The following CACNB2 variants were observed in gnomAD, a reference collection of about 807,000 sequenced individuals.
CACNB2 encodes the protein calcium voltage-gated channel auxiliary subunit beta 2.
In CACNB2, 42 loss-of-function variants were observed where a neutral mutation model predicts 73.3. The observed-to-expected ratio is 0.57, with a 90% confidence interval of 0.45 to 0.74. CACNB2 has a LOEUF of 0.74. Among genes scored for constraint, CACNB2 ranks in the 30% least tolerant of loss-of-function variants. The probability of loss-of-function intolerance (pLI) is 0.00; values close to 1 mark genes in which losing one functional copy is unlikely to be tolerated. For missense variants in CACNB2, 940 were observed against 853.0 expected (o/e 1.10, Z -1.27); for synonymous variants, 348 against 310.3 (o/e 1.12, Z -1.28).
At chr10:18,308,862 A>G (rs2039849464) in intron 2 of CACNB2, among the ~76,000 whole-genome samples, 1 of 152,224 alleles carries the variant, frequency 6.6e-6, no homozygotes, top group Non-Finnish European at 1.5e-5. Flanking sequence ...ATCAAATGTC[A>G]TCAGCTCACT....
rs139184772 is a variant in CACNB2 at position 18,318,352 on chromosome 10, G to A, written c.214-83572G>A. 2.6e-3 allele frequency among the ~76,000 whole-genome samples: 403 copies of A among 152,176 alleles called. 4 individuals are homozygous for A. The highest frequency in any genetic ancestry group is 9.4e-3 in the African/African-American group (389 of 41,524). On this transcript the variant is annotated intron_variant, in intron 2 of 13. Transcript: ENST00000324631. ...TACAACCATCTGATCTTCAACAAAC[G>A]TGACAAAAACAAGCAATGGGGAAAG...
intron 13 of CACNB2, among the ~76,000 whole-genome samples, chr10:18,538,799 C>T (rs1213662709): frequency 6.6e-6 from 1 of 152,136 alleles, no homozygotes; most frequent in East Asian, 1.9e-4. Flanking sequence ...AAAGGGTCTA[C>T]AGAACAGTGC....
chr10:18,299,240 C>G (rs2039409429), intron 2 of CACNB2, among the ~76,000 whole-genome samples: 1 of 152,164 alleles, frequency 6.6e-6, no homozygotes, highest in Non-Finnish European at 1.5e-5. Flanking sequence ...AGTTCTCTTT[C>G]TTTCTCAGAA....
chr10:18,291,912 TGTAA>T (rs1478020515), intron 2 of CACNB2, among the ~76,000 whole-genome samples: 1 of 152,230 alleles, frequency 6.6e-6, no homozygotes, highest in Non-Finnish European at 1.5e-5. Flanking sequence ...TAAATATCTT[TGTAA>T]GTGTTAGAAA....
intron 2 of CACNB2, among the ~76,000 whole-genome samples, chr10:18,331,145 C>G (rs554501189): frequency 6.6e-6 from 1 of 152,158 alleles, no homozygotes; most frequent in Admixed American, 6.5e-5. Context: ...GCCACCATGC[C>G]CAGCTAATTT....
At chr10:18,509,260 C>T (rs1047934182) in intron 6 of CACNB2, among the ~76,000 whole-genome samples, 2 of 152,206 alleles carry the variant, frequency 1.3e-5, no homozygotes, top group Non-Finnish European at 2.9e-5. Flanking sequence ...TCATTTTCAT[C>T]GTTTCCAAAG....
chr10:18,152,936 A>G (rs978596053), intron 2 of CACNB2, among the ~76,000 whole-genome samples: 1 of 152,064 alleles, frequency 6.6e-6, no homozygotes, highest in African/African-American at 2.4e-5. Flanking sequence ...CAGTCACTGG[A>G]CTCCATTTTC....
chr10:18,200,125 C>G (rs1374178734), intron 2 of CACNB2, among the ~76,000 whole-genome samples: 2 of 151,766 alleles, frequency 1.3e-5, no homozygotes, highest in Non-Finnish European at 2.9e-5. Context: ...AACATTGTTC[C>G]TAAAAATTAC....
At position 18,256,181 on chromosome 10, in the gene CACNB2, G is replaced by A. The variant is rs186909892; in HGVS notation, c.213+105206G>A. Among the ~76,000 whole-genome samples, 7 of 152,028 alleles carry A rather than the reference G, an allele frequency of 4.6e-5. No individual in the cohort carries two copies. In the East Asian group the frequency reaches 9.7e-4, roughly 21 times the overall value. On this transcript the variant is annotated intron_variant, in intron 2 of 13. Coordinates refer to ENST00000324631, the MANE Select transcript of CACNB2 (RefSeq NM_201596.3). ...CAATATTTTGCTTTTAAGATATCTC[G>A]TATTATAACAAAATAGCTAATTTAG...
chr10:18,169,134 A>G (rs2033062263), intron 2 of CACNB2, among the ~76,000 whole-genome samples: 3 of 152,120 alleles, frequency 2.0e-5, no homozygotes, highest in African/African-American at 4.8e-5. Flanking sequence ...ATACTGTTGC[A>G]TTGGTGGTAA....
In CACNB2 at chr10:18,541,940, T is replaced by C. The variant is rs1389481714; in HGVS notation, c.*2216T>C. 6.6e-6 allele frequency: 1 copy of C among 152,200 alleles called. No individual in the cohort carries two copies. Among genetic ancestry groups the C allele is most frequent in the Admixed American group, 6.5e-5 (1 of 15,284 alleles). The allele number at this position is 152,200 out of a possible 1,614,324, so 9.4% of individuals were successfully genotyped here. A position where few individuals can be genotyped will look rare whatever the true frequency, so the allele number is the denominator to read the frequency against. ...ATCTACTTTGTTTTGCTTCCTTGAT[T>C]ATTCCAAGTTCTTACCAAATATTCT... is the stretch of plus-strand genomic sequence containing the variant. On this transcript the variant is annotated 3_prime_UTR_variant, in exon 14 of 14. Transcript: ENST00000324631.
intron 2 of CACNB2, among the ~76,000 whole-genome samples, chr10:18,388,274 T>C (rs2043318169): frequency 2.0e-5 from 3 of 152,232 alleles, no homozygotes; most frequent in African/African-American, 7.2e-5. Flanking sequence ...AGTATTTTAT[T>C]AAACGTTCTG....
chr10:18,480,436 A>G (rs1017603016), intron 3 of CACNB2, among the ~76,000 whole-genome samples: 3 of 152,168 alleles, frequency 2.0e-5, no homozygotes, highest in Non-Finnish European at 4.4e-5. Flanking sequence ...CTCCTTTGTA[A>G]AACTTAAGTG....
At chr10:18,527,526 C>A in intron 9 of CACNB2, 62 bp from the exon 10 acceptor site, 2 of 1,038,942 alleles carry the variant, frequency 1.9e-6, no homozygotes, top group African/African-American at 1.6e-5. Flanking sequence ...GGGGCATACA[C>A]TTCTATCCCC....
At chr10:18,181,567 A>T (rs547714946) in intron 2 of CACNB2, among the ~76,000 whole-genome samples, 3 of 9,270 alleles carry the variant, frequency 3.2e-4, no homozygotes, top group African/African-American at 1.3e-3. Context: ...TAACTTTTTT[A>T]TTTTATTTTA....
intron 2 of CACNB2, chr10:18,234,363 C>G (rs2036345828): frequency 6.6e-6 from 1 of 152,178 alleles, no homozygotes; most frequent in African/African-American, 2.4e-5. Flanking sequence ...CATAAAATTA[C>G]CATGTGATCA....
chr10:18,408,888 G>A (rs1389488901), intron 3 of CACNB2, among the ~76,000 whole-genome samples: 9 of 152,148 alleles, frequency 5.9e-5, no homozygotes, highest in African/African-American at 1.9e-4. Context: ...GTCTCACTCT[G>A]TTGCTGAGGC....
intron 5 of CACNB2, among the ~76,000 whole-genome samples, chr10:18,504,874 A>G (rs1179220399): frequency 1.3e-5 from 2 of 152,068 alleles, no homozygotes; most frequent in Non-Finnish European, 2.9e-5. Flanking sequence ...CAAACTCCCA[A>G]CCTTAGGTGA....
chr10:18,294,493 A>G (rs1322105985), intron 2 of CACNB2, among the ~76,000 whole-genome samples: 3 of 152,244 alleles, frequency 2.0e-5, no homozygotes, highest in Admixed American at 6.5e-5. Context: ...TAGAGCTTAC[A>G]TTCTAGGGAA....
Sources: gnomAD v4.1 joint callset for allele counts (sites outside exome capture counted in the v4.1 genomes callset) on GRCh38, gnomAD v4.1.1 for gene constraint, MANE v1.5 for transcripts, NCBI Gene and HGNC (gene_info 2026-07-23, HGNC 2026-07-21) for gene names.